MRPS6: variants seen among roughly 807,000 people sequenced by gnomAD.
MRPS6 encodes the protein small ribosomal subunit protein bS6m.
MRPS6 carries 6 observed loss-of-function variants against 13.1 expected under a neutral mutation model. The ratio of observed to expected loss-of-function variants is 0.46; its 90% CI spans 0.25 to 0.91. The LOEUF (loss-of-function observed/expected upper bound fraction) is 0.91. Among genes scored for constraint, MRPS6 ranks in the 40% least tolerant of loss-of-function variants. MRPS6 has a pLI of 0.18. For synonymous variants in MRPS6, 61 were observed against 56.5 expected (o/e 1.08, Z -0.36); for missense variants, 164 against 155.6 (o/e 1.05, Z -0.29).
At chr21:34,089,550 G>A (rs919768074) in intron 1 of MRPS6, among the ~76,000 whole-genome samples, 2 of 152,102 alleles carry the variant, frequency 1.3e-5, no homozygotes, top group Non-Finnish European at 2.9e-5. Flanking sequence ...TATCTTGGGC[G>A]GAGTGTATAT....
intron 1 of MRPS6, among the ~76,000 whole-genome samples, chr21:34,107,183 C>T (rs957027073): frequency 1.3e-5 from 2 of 152,226 alleles, no homozygotes; most frequent in East Asian, 1.9e-4. Flanking sequence ...CCACCTGCCT[C>T]AGCTTCCCAA....
At chr21:34,106,941 C>G (rs62212122) in intron 1 of MRPS6, among the ~76,000 whole-genome samples, 259 of 150,522 alleles carry the variant, frequency 1.7e-3, no homozygotes, top group African/African-American at 6.1e-3. Context: ...TTTTTTTTGG[C>G]GGTGGAGGGG....
intron 1 of MRPS6, chr21:34,103,333 A>C (rs1979332528): frequency 1.0e-6 from 1 of 965,616 alleles, no homozygotes; most frequent in Non-Finnish European, 1.2e-6. Context: ...AAAAAAAAAC[A>C]TGCATTACAT....
chr21:34,074,501 A>T (rs796955832), intron 1 of MRPS6, among the ~76,000 whole-genome samples: 28 of 152,106 alleles, frequency 1.8e-4, no homozygotes, highest in Middle Eastern at 3.4e-3. Flanking sequence ...GTTTGGAGGG[A>T]TGCTAAGCGA....
intron 1 of MRPS6, chr21:34,123,915 C>G (rs1385580571): frequency 6.6e-6 from 1 of 152,104 alleles, no homozygotes; most frequent in African/African-American, 2.4e-5. Flanking sequence ...AAGGCAGTCT[C>G]CCGATTTTCC....
Position 34,090,242 on chromosome 21 carries a change from A to G in MRPS6, c.45+16497A>G, listed in dbSNP as rs192923283. ...CTCTTTGTGTTACTGATGAACCGCT[A>G]CAGTATCCTTGCTCCACATTTTTAA... is the stretch of plus-strand genomic sequence containing the variant. On this transcript the variant is annotated intron_variant, in intron 1 of 2. Transcript: ENST00000399312. 1.3e-3 allele frequency among the ~76,000 whole-genome samples: 203 copies of G among 152,332 alleles called. 1 individual carries two copies. The highest frequency in any genetic ancestry group is 4.6e-3 in the African/African-American group (191 of 41,578).
Position 34,142,753 on chromosome 21 carries a change from TGC to T in MRPS6, c.*154_*155del. On this transcript the variant is annotated 3_prime_UTR_variant, in exon 3 of 3. Coordinates refer to ENST00000399312, the MANE Select transcript of MRPS6 (RefSeq NM_032476.4). ...GGTATTTTTAGCCCTTGATCCCCTT[TGC>T]TTGCGAGAGGTGGGGAACTGCTCAC... 1.1e-6 allele frequency: 1 copy of T among 870,548 alleles called. No homozygotes were observed. The highest frequency in any genetic ancestry group is 1.6e-6 in the Non-Finnish European group (1 of 616,640). The allele number at this position is 870,548 out of a possible 1,614,324, so 53.9% of individuals were successfully genotyped here.
intron 2 of MRPS6, among the ~76,000 whole-genome samples, chr21:34,128,272 T>TA (rs919745719): frequency 1.1e-4 from 17 of 152,168 alleles, no homozygotes; most frequent in African/African-American, 3.6e-4. Flanking sequence ...GGAGTAAAGC[T>TA]AAGCCTGGGG....
At chr21:34,086,272 A>G (rs1040437009) in intron 1 of MRPS6, among the ~76,000 whole-genome samples, 2 of 152,168 alleles carry the variant, frequency 1.3e-5, no homozygotes, top group African/African-American at 4.8e-5. Context: ...GATCACATCA[A>G]GAGGGACACA....
At chr21:34,126,893 G>T (rs1000282999) in intron 2 of MRPS6, among the ~76,000 whole-genome samples, 1 of 152,128 alleles carries the variant, frequency 6.6e-6, no homozygotes, top group Non-Finnish European at 1.5e-5. Context: ...CTTGTCTGAG[G>T]ACCAGGCTCA....
rs1978985051 is a variant in MRPS6, at chr21:34,096,834, T to C, written c.45+23089T>C. The stretch of plus-strand genomic sequence containing the variant: ...AAAGGAACAGATTCGAACCACCACC[T>C]TTTGGTCTAAGAAGAACCTGGTGGT... On this transcript the variant is annotated intron_variant, in intron 1 of 2. Transcript: ENST00000399312. The surrounding 1 kb of genome is among the most constrained non-coding windows in gnomAD (Gnocchi z 5.9). 3 of 1,613,884 alleles carry C rather than the reference T, an allele frequency of 1.9e-6. No individual in the cohort carries two copies. Among genetic ancestry groups the C allele is most frequent in the Admixed American group, 3.3e-5 (2 of 59,964 alleles).
intron 1 of MRPS6, chr21:34,097,027 G>C: frequency 5.0e-6 from 8 of 1,614,108 alleles, no homozygotes; most frequent in Non-Finnish European, 6.8e-6. Flanking sequence ...GTAACCTGCA[G>C]AGAGGAGGGC....
chr21:34,085,948 CA>C (rs1202501038), intron 1 of MRPS6, among the ~76,000 whole-genome samples: 2 of 152,210 alleles, frequency 1.3e-5, no homozygotes, highest in African/African-American at 2.4e-5. Flanking sequence ...CACCTAACTA[CA>C]ATTCCTTAAC....
At chr21:34,131,595 G>A in intron 2 of MRPS6, among the ~76,000 whole-genome samples, 1 of 152,130 alleles carries the variant, frequency 6.6e-6, no homozygotes, top group South Asian at 2.1e-4. Context: ...GACCTGTGCT[G>A]TCATGAGAAA....
chr21:34,081,467 T>C (rs1378310428), intron 1 of MRPS6, among the ~76,000 whole-genome samples: 2 of 152,372 alleles, frequency 1.3e-5, no homozygotes, highest in South Asian at 4.1e-4. Context: ...CTGATTTTTT[T>C]GTTTTCTATT....
At chr21:34,108,897 G>A (rs893848906) in intron 1 of MRPS6, among the ~76,000 whole-genome samples, 2 of 152,136 alleles carry the variant, frequency 1.3e-5, no homozygotes, top group Admixed American at 6.5e-5. Context: ...TTTCAGTATG[G>A]CAGCTCCGTG....
intron 1 of MRPS6, chr21:34,103,550 G>A (rs889981821): frequency 4.0e-6 from 4 of 999,988 alleles, no homozygotes; most frequent in Admixed American, 6.2e-5. Flanking sequence ...TTCCATGATA[G>A]AAAGCTAAAG....
At chr21:34,095,216 C>T in intron 1 of MRPS6, 1 of 1,610,724 alleles carries the variant, frequency 6.2e-7, no homozygotes, top group Non-Finnish European at 8.5e-7. Flanking sequence ...CTGTACTGGA[C>T]ACAGCAGACA....
chr21:34,108,873 C>A (rs1295493086), intron 1 of MRPS6, among the ~76,000 whole-genome samples: 2 of 152,098 alleles, frequency 1.3e-5, no homozygotes, highest in Non-Finnish European at 2.9e-5. Flanking sequence ...ACAGTACTGG[C>A]CCTTGGTGGG....
Sources: allele counts gnomAD v4.1 joint callset (sites outside exome capture counted in the v4.1 genomes callset), GRCh38; gene constraint gnomAD v4.1.1; non-coding constraint Gnocchi (gnomAD v3.1); transcripts MANE v1.5; gene names NCBI Gene and HGNC (gene_info 2026-07-23, HGNC 2026-07-21).